Variants in NISCH observed in about 807,000 individuals in gnomAD.
The protein encoded by NISCH is I-1 receptor candidate protein.
A neutral mutation model predicts 138.4 loss-of-function variants in NISCH; 55 were observed. That is an observed-to-expected ratio of 0.40 (90% CI 0.32 to 0.50). NISCH has a LOEUF of 0.50. NISCH is among the 20% of genes least tolerant of loss of function. NISCH has a pLI of 0.71. For missense variants in NISCH, 1,643 were observed against 2,005.5 expected (o/e 0.82, Z 3.45); for synonymous variants, 860 against 861.5 (o/e 1.00, Z 0.03).
At chr3:52,484,979 G>A (rs1404448318) in intron 14 of NISCH, among the ~76,000 whole-genome samples, 1 of 152,104 alleles carries the variant, frequency 6.6e-6, no homozygotes, top group Non-Finnish European at 1.5e-5. Context: ...CCTGGGGAAG[G>A]CATTTCAAAA....
At chr3:52,463,121 T>C (rs1706682478) in intron 3 of NISCH, among the ~76,000 whole-genome samples, 1 of 152,218 alleles carries the variant, frequency 6.6e-6, no homozygotes, top group Non-Finnish European at 1.5e-5. Flanking sequence ...CCCATCCCTC[T>C]GTCCCCCAGC....
chr3:52,488,803 TAGA>T (rs1395091159), intron 16 of NISCH, among the ~76,000 whole-genome samples, 198 bp downstream of exon 16: 4 of 146,726 alleles, frequency 2.7e-5, no homozygotes, highest in African/African-American at 9.9e-5. Flanking sequence ...CTCAGTGCTG[TAGA>T]AGAAGCCCAG....
intron 17 of NISCH, 25 bp downstream of exon 17, chr3:52,489,703 G>A (rs756681039): frequency 1.1e-5 from 18 of 1,600,174 alleles, no homozygotes; most frequent in Non-Finnish European, 1.4e-5. Flanking sequence ...GTGGGTGCCA[G>A]CTATGGCACG....
intron 13 of NISCH, 51 bp from the exon 14 acceptor site, chr3:52,484,462 T>TGCGCCC: frequency 1.3e-6 from 1 of 788,670 alleles, no homozygotes; most frequent in Non-Finnish European, 1.8e-6. Flanking sequence ...ACAGCCGCTC[T>TGCGCCC]CCCCGCCCCA....
chr3:52,489,854 A>G, intron 17 of NISCH, 176 bp downstream of exon 17: 1 of 1,273,878 alleles, frequency 7.9e-7, no homozygotes. Flanking sequence ...TCCCCTGGCC[A>G]TTTGTGCTGT....
rs1707169072 is a variant in NISCH, at chr3:52,478,474, G to C, written c.1199G>C (p.Ser400Thr). ...ATGGAGGAGGTCCGGAGCATAGGCA[G>C]CCTCCCGTGTCTGGAGCACGTGTCT... ...EQMEEVRSIG[S>T]LPCLEHVSLL... The change falls in exon 11 of 21, where the codon AGC (serine) becomes ACC (threonine). Residue 400 changes from serine (S) to threonine (T), a missense_variant. Ser to Thr is a moderately conservative substitution (Grantham distance 58). Transcript: ENST00000345716. The C allele has an allele frequency of 1.2e-6, 2 of 1,614,216 alleles. No individual in the cohort carries two copies. The highest frequency in any genetic ancestry group is 4.5e-5 in the East Asian group (2 of 44,890).
rs1185742307 is a variant in NISCH, at chr3:52,488,563, A to C, written c.3071A>C (p.Gln1024Pro). 6.2e-7 allele frequency: 1 copy of C among 1,612,546 alleles called. No individual in the cohort carries two copies. Among genetic ancestry groups the C allele is most frequent in the Non-Finnish European group, 8.5e-7 (1 of 1,179,766 alleles). The stretch of plus-strand genomic sequence containing the variant: ...ACCCCCGGGACGGGAGGCAGCCCCC[A>C]GGGCTCCTTTGCGGATGGCCAGCCT... The part of the protein sequence containing the change: ...AKTPGTGGSP[Q>P]GSFADGQPAE... Residue 1024 changes from glutamine (Q) to proline (P), a missense_variant, in exon 16 of 21, where the codon CAG becomes CCG. Transcript: ENST00000345716.
rs1706976596 is a variant in NISCH, at chr3:52,472,380, G to A, written c.651G>A (p.Lys217=). The stretch of plus-strand genomic sequence containing the variant: ...TGCCGTTCGACCTATCAATATTCAA[G>A]TCCCTGCATCAGGTGGAGGTAAGGC... The part of the protein sequence containing the change: ...QLLPFDLSIF[K]SLHQVEISHC... The change falls in exon 6 of 21, where the codon AAG becomes AAA. Residue 217 remains lysine (K), a synonymous_variant. Transcript: ENST00000345716. The A allele has an allele frequency of 2.5e-6, 4 of 1,614,128 alleles. No homozygotes were observed. Among genetic ancestry groups the A allele is most frequent in the African/African-American group, 1.3e-5 (1 of 75,042 alleles).
At chr3:52,489,987 C>T (rs1707517061) in intron 17 of NISCH, 88 bp from the exon 18 acceptor site, 3 of 1,541,396 alleles carry the variant, frequency 1.9e-6, no homozygotes, top group Non-Finnish European at 2.7e-6. Flanking sequence ...AGGGGCTTCC[C>T]ATGTCTCCTT....
rs199663460 is a variant in NISCH, at chr3:52,473,806, C to T, written c.742C>T (p.Arg248Cys). The change falls in exon 7 of 21, where the codon CGC becomes TGC. Residue 248 changes from arginine to cysteine, a missense_variant. Arg to Cys is a radical substitution (Grantham distance 180, BLOSUM62 -3). Transcript: ENST00000345716. ...SKPTLATLSV[R>C]FSATSMKEVL... ...GCCCACCTTAGCCACGCTGAGTGTC[C>T]GCTTCTCAGCAACCTCGATGAAGGT... The T allele has an allele frequency of 3.1e-5, 50 of 1,608,194 alleles. No individual in the cohort carries two copies. The East Asian group carries it at 7.6e-4, about 24-fold the overall frequency.
At chr3:52,463,714 C>CTTTTTTTTTTTTTTTTTTTTTTTTT (rs71084184) in intron 3 of NISCH, among the ~76,000 whole-genome samples, 1 of 41,402 alleles carries the variant, frequency 2.4e-5, no homozygotes, top group Non-Finnish European at 3.9e-5. Context: ...TATTGAACCT[C>CTTTTTTTTTTTTTTTTTTTTTTTTT]TTTTTTTTTT....
Position 52,472,374 on chromosome 3 carries a change from A to G in NISCH, c.645A>G (p.Ile215Met). The G allele has an allele frequency of 6.2e-7, 1 of 1,614,160 alleles. No individual in the cohort carries two copies. The highest frequency in any genetic ancestry group is 8.5e-7 in the Non-Finnish European group (1 of 1,180,014). ...AGCTCCTGCCGTTCGACCTATCAAT[A>G]TTCAAGTCCCTGCATCAGGTGGAGG... ...QEQLLPFDLS[I>M]FKSLHQVEIS... The change falls in exon 6 of 21, where the codon ATA becomes ATG. Residue 215 changes from isoleucine (I) to methionine (M), a missense_variant. Ile to Met is a conservative substitution (Grantham distance 10). Coordinates refer to ENST00000345716, the MANE Select transcript of NISCH (RefSeq NM_007184.4).
intron 2 of NISCH, 23 bp downstream of exon 2, chr3:52,457,949 A>C (rs954509893): frequency 6.3e-7 from 1 of 1,579,362 alleles, no homozygotes; most frequent in African/African-American, 1.3e-5. Flanking sequence ...AGCTGGGAGC[A>C]CGTATCTCAG....
At chr3:52,462,928 G>A (rs1289098673) in intron 3 of NISCH, among the ~76,000 whole-genome samples, 7 of 152,134 alleles carry the variant, frequency 4.6e-5, no homozygotes, top group Admixed American at 1.3e-4. Context: ...GAGCCACCAC[G>A]CCTGGCCATG....
At chr3:52,490,941 T>C in intron 19 of NISCH, 108 bp downstream of exon 19, 1 of 1,470,424 alleles carries the variant, frequency 6.8e-7, no homozygotes, top group Non-Finnish European at 9.3e-7. Context: ...ATCTCTGTGC[T>C]CAAGAGCCAC....
At chr3:52,480,542 G>A in intron 13 of NISCH, 5 of 1,479,488 alleles carry the variant, frequency 3.4e-6, no homozygotes, top group Non-Finnish European at 4.5e-6. Flanking sequence ...GCTCCTCTAG[G>A]AGACCGCAGG....
intron 4 of NISCH, 49 bp from the exon 5 acceptor site, chr3:52,471,765 G>A: frequency 6.2e-7 from 1 of 1,608,146 alleles, no homozygotes; most frequent in South Asian, 1.1e-5. Flanking sequence ...GCTGCACGAG[G>A]GCTGGGGCTG....
intron 7 of NISCH, chr3:52,475,618 T>C (rs183768590): frequency 6.6e-6 from 1 of 152,262 alleles, no homozygotes; most frequent in Non-Finnish European, 1.5e-5. Flanking sequence ...GGCAGGAGGA[T>C]CACTTGAGCC....
rs758379455 is a variant in NISCH at position 52,470,850 on chromosome 3, T to C, written c.361-9T>C. On this transcript the variant is annotated splice_polypyrimidine_tract_variant and intron_variant, in intron 3 of 20. Coordinates refer to ENST00000345716, the MANE Select transcript of NISCH (RefSeq NM_007184.4). ...GACTTTCTAAGGGCAAATTTTGTGT[T>C]CTCTGCAGGAGATAAATGGCATCAC... 5.0e-6 allele frequency: 8 copies of C among 1,613,970 alleles called. No homozygotes were observed. The South Asian group carries it at 7.7e-5, about 16-fold the overall frequency.
Sources: gnomAD v4.1 joint callset for allele counts (sites outside exome capture counted in the v4.1 genomes callset) on GRCh38, gnomAD v4.1.1 for gene constraint, MANE v1.5 for transcripts, NCBI Gene and HGNC (gene_info 2026-07-23, HGNC 2026-07-21) for gene names.